VEPH1: variants seen among roughly 807,000 people sequenced by gnomAD.
VEPH1 encodes ventricular zone-expressed PH domain-containing protein homolog 1.
A neutral mutation model predicts 85.2 loss-of-function variants in VEPH1; 80 were observed. That is an observed-to-expected ratio of 0.94 (90% CI 0.78 to 1.13). The LOEUF (loss-of-function observed/expected upper bound fraction) is 1.13, where lower values mean the gene tolerates loss of function less well. VEPH1 is among the 50% of genes most tolerant of loss of function. VEPH1 has a pLI of 0.00. For synonymous variants in VEPH1, 297 were observed against 348.0 expected, an observed-to-expected ratio of 0.85 and a Z score of 1.63; for missense variants, 955 against 980.5, an observed-to-expected ratio of 0.97 and a Z score of 0.35.
rs544759678 is a variant in VEPH1, at chr3:157,409,636, T to C, written c.906+4245A>G. The C allele has an allele frequency of 1.0e-5, 10 of 985,432 alleles. No homozygotes were observed. The East Asian group carries it at 9.1e-4, about 89-fold the overall frequency. 61.0% of individuals were successfully genotyped at this position (985,432 alleles called of 1,614,324 possible). A position where few individuals can be genotyped will look rare whatever the true frequency, so the allele number is the denominator to read the frequency against. On this transcript the variant is annotated intron_variant, in intron 6 of 13. Coordinates refer to ENST00000362010, the MANE Select transcript of VEPH1 (RefSeq NM_001167912.2). ...TCTTCTCTGCCGAATGTAATATAGA[T>C]GGAAAAATTGTGATGCTGCTATCAA...
At chr3:157,288,733 A>G (rs910473594) in intron 11 of VEPH1, among the ~76,000 whole-genome samples, 2 of 152,244 alleles carry the variant, frequency 1.3e-5, no homozygotes, top group African/African-American at 4.8e-5. Flanking sequence ...GAAAGTGCCT[A>G]TCACATAGCA....
chr3:157,326,593 G>A (rs1721929073), intron 9 of VEPH1, among the ~76,000 whole-genome samples: 1 of 152,178 alleles, frequency 6.6e-6, no homozygotes, highest in Admixed American at 6.5e-5. Context: ...CAGTTCTATG[G>A]TTGTTAGGTA....
intron 4 of VEPH1, among the ~76,000 whole-genome samples, chr3:157,440,889 G>A (rs1734066177): frequency 6.6e-6 from 1 of 152,046 alleles, no homozygotes; most frequent in African/African-American, 2.4e-5. Flanking sequence ...TCTCCAACCA[G>A]GCCCCTTGAA....
intron 3 of VEPH1, among the ~76,000 whole-genome samples, chr3:157,464,755 T>A (rs1275989006): frequency 1.3e-5 from 2 of 152,186 alleles, no homozygotes; most frequent in Admixed American, 6.5e-5. Context: ...TGAAGCTAAG[T>A]AGGAAAGATA....
At chr3:157,294,535 C>T (rs1717895872) in intron 11 of VEPH1, among the ~76,000 whole-genome samples, 1 of 152,194 alleles carries the variant, frequency 6.6e-6, no homozygotes, top group African/African-American at 2.4e-5. Context: ...TCCACCACCC[C>T]CAACATTTCA....
intron 4 of VEPH1, chr3:157,436,805 A>G (rs1577651818): frequency 8.9e-7 from 1 of 1,128,098 alleles, no homozygotes; most frequent in Non-Finnish European, 1.2e-6. Context: ...ATCCCCATTC[A>G]GGCTTTCCTC....
intron 3 of VEPH1, among the ~76,000 whole-genome samples, chr3:157,468,553 C>T (rs540348629): frequency 8.8e-4 from 134 of 151,922 alleles, no homozygotes; most frequent in Admixed American, 2.6e-3. Flanking sequence ...CCAGCCTGGG[C>T]GACAGAGCGA....
At chr3:157,485,685 G>A (rs1738555924) in intron 2 of VEPH1, among the ~76,000 whole-genome samples, 2 of 151,844 alleles carry the variant, frequency 1.3e-5, no homozygotes, top group Non-Finnish European at 2.9e-5. Context: ...ATAAGTATGA[G>A]TTGACTAAAT....
chr3:157,261,500 G>A, intron 13 of VEPH1, 130 bp from the exon 14 acceptor site: 1 of 1,415,030 alleles, frequency 7.1e-7, no homozygotes, highest in South Asian at 1.5e-5. Flanking sequence ...TGTTATTTTG[G>A]GTGCTAAGGC....
At chr3:157,389,582 A>G (rs561471038) in intron 6 of VEPH1, among the ~76,000 whole-genome samples, 2 of 152,208 alleles carry the variant, frequency 1.3e-5, no homozygotes, top group South Asian at 4.1e-4. Flanking sequence ...AAAATATAAA[A>G]TCACAGAGCT....
chr3:157,330,618 G>A (rs1722390013), intron 9 of VEPH1, among the ~76,000 whole-genome samples: 2 of 152,128 alleles, frequency 1.3e-5, no homozygotes, highest in South Asian at 4.1e-4. Context: ...TCAGGATTTC[G>A]ATGGCAAAAA....
At chr3:157,325,848 G>GT (rs1464676842) in intron 9 of VEPH1, among the ~76,000 whole-genome samples, 1 of 152,104 alleles carries the variant, frequency 6.6e-6, no homozygotes, top group South Asian at 2.1e-4. Flanking sequence ...TTTTAAAATA[G>GT]TTTTTTCTAA....
intron 4 of VEPH1, among the ~76,000 whole-genome samples, chr3:157,442,162 T>A (rs572259746): frequency 6.6e-6 from 1 of 152,308 alleles, no homozygotes; most frequent in South Asian, 2.1e-4. Context: ...AGATGCTTCA[T>A]TGGATAAGAC....
intron 7 of VEPH1, among the ~76,000 whole-genome samples, chr3:157,373,787 T>C (rs773120609): frequency 1.3e-5 from 2 of 152,192 alleles, no homozygotes; most frequent in Non-Finnish European, 2.9e-5. Context: ...TTGTGTGCCC[T>C]GTGTTTTGAA....
chr3:157,468,112 T>C (rs2109435387), intron 3 of VEPH1, among the ~76,000 whole-genome samples: 1 of 152,320 alleles, frequency 6.6e-6, no homozygotes, highest in East Asian at 1.9e-4. Flanking sequence ...CAAGCTGTTT[T>C]CCTGTGTAGA....
chr3:157,407,485 G>A (rs528989807), intron 6 of VEPH1, among the ~76,000 whole-genome samples: 6 of 152,208 alleles, frequency 3.9e-5, no homozygotes, highest in Non-Finnish European at 7.4e-5. Context: ...ATTCCACCCC[G>A]AGGAATAAAA....
At chr3:157,408,525 G>A (rs1472915669) in intron 6 of VEPH1, among the ~76,000 whole-genome samples, 1 of 152,088 alleles carries the variant, frequency 6.6e-6, no homozygotes, top group Non-Finnish European at 1.5e-5. Context: ...GAATTCAGAT[G>A]GATTTGATAA....
chr3:157,350,945 T>A (rs1724801016), intron 9 of VEPH1, among the ~76,000 whole-genome samples: 2 of 152,158 alleles, frequency 1.3e-5, no homozygotes, highest in South Asian at 4.1e-4. Context: ...ACAACCAGTA[T>A]AGAGAACAGT....
chr3:157,340,384 C>G (rs774054293), intron 9 of VEPH1, among the ~76,000 whole-genome samples: 1 of 152,238 alleles, frequency 6.6e-6, no homozygotes, highest in Non-Finnish European at 1.5e-5. Context: ...TATCCCGCAC[C>G]TGGCTCAGAG....
Sources: gnomAD v4.1 joint callset for allele counts (sites outside exome capture counted in the v4.1 genomes callset) on GRCh38, gnomAD v4.1.1 for gene constraint, MANE v1.5 for transcripts, NCBI Gene and HGNC (gene_info 2026-07-23, HGNC 2026-07-21) for gene names.